Variants in TBRG1 observed in about 807,000 individuals in gnomAD.
TBRG1 encodes the protein nuclear interactor of ARF and MDM2.
TBRG1 carries 31 observed loss-of-function variants against 44.0 expected under a neutral mutation model. The ratio of observed to expected loss-of-function variants is 0.70; its 90% CI spans 0.53 to 0.95. TBRG1 has a LOEUF of 0.95. Among genes scored for constraint, TBRG1 ranks in the 40% least tolerant of loss-of-function variants. The probability of loss-of-function intolerance (pLI) is 0.00; values close to 1 mark genes in which losing one functional copy is unlikely to be tolerated. For missense variants in TBRG1, 487 were observed against 496.1 expected (o/e 0.98, Z 0.18); for synonymous variants, 171 against 188.1 (o/e 0.91, Z 0.74).
intron 3 of TBRG1, 84 bp from the exon 4 acceptor site, chr11:124,626,389 C>A: frequency 8.1e-7 from 1 of 1,241,752 alleles, no homozygotes; most frequent in Non-Finnish European, 1.1e-6. Flanking sequence ...TGGCTTATTG[C>A]CCTCACCATT....
rs1942390142 is a variant in TBRG1 at position 124,623,572 on chromosome 11, G to A, written c.150+339G>A. The A allele has an allele frequency of 7.9e-6, 3 of 378,584 alleles. No individual in the cohort carries two copies. The Admixed American group carries it at 1.1e-4, about 14-fold the overall frequency. 23.5% of individuals were successfully genotyped at this position (378,584 alleles called of 1,614,324 possible). The stretch of plus-strand genomic sequence containing the variant: ...TCTCGAGATACAGCCCTGAGAATTA[G>A]GCATTATTTGTAAAATGAGAACACT... On this transcript the variant is annotated intron_variant, in intron 1 of 8. Transcript: ENST00000441174.
rs1298998395 is a variant in TBRG1 at position 124,632,430 on chromosome 11, CT to C, written c.*194del. The C allele has an allele frequency of 2.1e-6, 1 of 482,616 alleles. No homozygotes were observed. Among genetic ancestry groups the C allele is most frequent in the Non-Finnish European group, 3.7e-6 (1 of 272,066 alleles). The allele number at this position is 482,616 out of a possible 1,614,324, so 29.9% of individuals were successfully genotyped here. ...GCTTTATTTTTAGTAATAAATTTCT[CT>C]TGTCAATTCTGTTTACTTTCATCTT... On this transcript the variant is annotated 3_prime_UTR_variant, in exon 9 of 9. Transcript: ENST00000441174.
chr11:124,632,133 GTCT>G lies in TBRG1; in HGVS notation c.1136_1138del (p.Ser379del), dbSNP rs755748186. 1.5e-5 allele frequency: 25 copies of G among 1,613,586 alleles called. No homozygotes were observed. The highest frequency in any genetic ancestry group is 5.0e-5 in the Admixed American group (3 of 59,974). On this transcript the variant is annotated inframe_deletion, in exon 9 of 9. Coordinates refer to ENST00000441174, the MANE Select transcript of TBRG1 (RefSeq NM_032811.3). ...CAGAGCTTCAGCCTGCAGCCTTTGT[GTCT>G]TCTTACCAGCCCATGTACCTGACAC... is the stretch of plus-strand genomic sequence containing the variant.
chr11:124,623,936 C>T (rs1239494271), intron 1 of TBRG1, among the ~76,000 whole-genome samples: 2 of 152,116 alleles, frequency 1.3e-5, no homozygotes, highest in Non-Finnish European at 2.9e-5. Context: ...CTCAAATGTC[C>T]CCCCACATCC....
intron 1 of TBRG1, 71 bp downstream of exon 1, chr11:124,623,304 C>G: frequency 6.7e-7 from 1 of 1,501,444 alleles, no homozygotes. Flanking sequence ...CAAGCTGTTC[C>G]CCCTTCCCAG....
Position 124,623,099 on chromosome 11 carries a change from G to C in TBRG1, c.16G>C (p.Gly6Arg). Residue 6 changes from glycine to arginine, a missense_variant, in exon 1 of 9, where the codon GGC becomes CGC. Transcript: ENST00000441174. MSLLD[G>R]LASSPRAPLQ... ...GGGCTGGACCATGAGCCTGCTGGACGGCCTCGCTTCCTCGCCGCGGGCTCC... is the reference window on the plus strand; with the variant it reads ...GGGCTGGACCATGAGCCTGCTGGACCGCCTCGCTTCCTCGCCGCGGGCTCC... 2 of 1,550,160 alleles carry C rather than the reference G, an allele frequency of 1.3e-6. No individual in the cohort carries two copies. The highest frequency in any genetic ancestry group is 1.7e-6 in the Non-Finnish European group (2 of 1,146,562).
chr11:124,624,684 T>C (rs993727329), intron 1 of TBRG1, among the ~76,000 whole-genome samples: 3 of 152,200 alleles, frequency 2.0e-5, no homozygotes, highest in Admixed American at 6.5e-5. Context: ...GCATAAGCAT[T>C]AATAGTACCC....
At chr11:124,631,034 C>A in intron 7 of TBRG1, 179 bp downstream of exon 7, 1 of 633,360 alleles carries the variant, frequency 1.6e-6, no homozygotes, top group Non-Finnish European at 2.7e-6. Flanking sequence ...CAGGACTCCA[C>A]TGTTCGCTGA....
chr11:124,632,248 G>T lies in TBRG1; in HGVS notation c.*10G>T. ...TCAGTCTTCAGATTGAACAAGAAGG[G>T]ATCAGATGCCACATCGTTTTTGTCG... On this transcript the variant is annotated 3_prime_UTR_variant, in exon 9 of 9. Coordinates refer to ENST00000441174, the MANE Select transcript of TBRG1 (RefSeq NM_032811.3). The T allele has an allele frequency of 6.2e-7, 1 of 1,607,672 alleles. No homozygotes were observed. The highest frequency in any genetic ancestry group is 8.5e-7 in the Non-Finnish European group (1 of 1,177,664).
chr11:124,629,122 A>C (rs185583782), intron 5 of TBRG1, among the ~76,000 whole-genome samples: 33 of 152,352 alleles, frequency 2.2e-4, no homozygotes, highest in African/African-American at 7.2e-4. Flanking sequence ...AGTAATTGAA[A>C]TTGACATGAC....
chr11:124,628,288 A>G (rs1160976410), intron 5 of TBRG1, among the ~76,000 whole-genome samples: 1 of 150,522 alleles, frequency 6.6e-6, no homozygotes, highest in Non-Finnish European at 1.5e-5. Context: ...AGGAAAATGT[A>G]AAAGAATTTT....
At chr11:124,625,602 C>G in intron 2 of TBRG1, 69 bp from the exon 3 acceptor site, 2 of 1,398,636 alleles carry the variant, frequency 1.4e-6, no homozygotes, top group South Asian at 1.4e-5. Context: ...TTTCCCAGTA[C>G]TTGAGTAAAA....
Position 124,627,055 on chromosome 11 carries a change from CCCCTCT to C in TBRG1, c.738+6_738+11del. 2 of 1,524,318 alleles carry C rather than the reference CCCCTCT, an allele frequency of 1.3e-6. No homozygotes were observed. Among genetic ancestry groups the C allele is most frequent in the Non-Finnish European group, 1.8e-6 (2 of 1,121,978 alleles). The allele number at this position is 1,524,318 out of a possible 1,614,324, so 94.4% of individuals were successfully genotyped here. ...GATGGTGGTGTGCAGCCTCAGGTAC[CCCCTCT>C]AATAATAACCACTGTTTGTCTTTAG... On this transcript the variant is annotated splice_donor_region_variant and intron_variant, in intron 5 of 8. Coordinates refer to ENST00000441174, the MANE Select transcript of TBRG1 (RefSeq NM_032811.3).
At chr11:124,623,406 C>A (rs1463461297) in intron 1 of TBRG1, 173 bp downstream of exon 1, 1 of 758,312 alleles carries the variant, frequency 1.3e-6, no homozygotes, top group South Asian at 1.5e-5. Context: ...TTCTCTGTGT[C>A]CTCATCTGTA....
intron 2 of TBRG1, 122 bp downstream of exon 2, chr11:124,625,123 C>T: frequency 1.5e-6 from 1 of 659,522 alleles, no homozygotes; most frequent in East Asian, 2.8e-5. Flanking sequence ...CGCACAGCCC[C>T]TTGGCCACTT....
chr11:124,630,905 G>A, intron 7 of TBRG1, 50 bp downstream of exon 7: 1 of 1,303,374 alleles, frequency 7.7e-7, no homozygotes, highest in Non-Finnish European at 1.1e-6. Flanking sequence ...TGATCATCCG[G>A]CCAGGGACTG....
At chr11:124,631,159 G>A in intron 7 of TBRG1, 116 bp from the exon 8 acceptor site, 1 of 1,034,480 alleles carries the variant, frequency 9.7e-7, no homozygotes, top group Non-Finnish European at 1.4e-6. Flanking sequence ...GCAAATATGT[G>A]TTTTAGATAT....
At chr11:124,631,480 C>A in intron 8 of TBRG1, 63 bp downstream of exon 8, 1 of 1,502,402 alleles carries the variant, frequency 6.7e-7, no homozygotes, top group Non-Finnish European at 9.2e-7. Flanking sequence ...TTCCCATCTT[C>A]ACACATAGCC....
chr11:124,628,931 A>C (rs904725865), intron 5 of TBRG1, among the ~76,000 whole-genome samples: 1 of 152,300 alleles, frequency 6.6e-6, no homozygotes, highest in African/African-American at 2.4e-5. Context: ...AAATAGCCTA[A>C]ATACCTATCA....
Sources: gnomAD v4.1 joint callset for allele counts (sites outside exome capture counted in the v4.1 genomes callset) on GRCh38, gnomAD v4.1.1 for gene constraint, MANE v1.5 for transcripts, NCBI Gene and HGNC (gene_info 2026-07-23, HGNC 2026-07-21) for gene names.